The following HIPK2 variants were observed in gnomAD, a reference collection of about 807,000 sequenced individuals.
HIPK2 encodes the protein homeodomain interacting protein kinase 2, also known as homeodomain-interacting protein kinase 2.
HIPK2 carries 27 observed loss-of-function variants against 113.7 expected under a neutral mutation model. The observed-to-expected ratio is 0.24, with a 90% CI of 0.17 to 0.33. The LOEUF (loss-of-function observed/expected upper bound fraction) is 0.33. Among genes scored for constraint, HIPK2 ranks in the 10% least tolerant of loss-of-function variants. The probability of loss-of-function intolerance (pLI) is 1.00; values close to 1 mark genes in which losing one functional copy is unlikely to be tolerated. For missense variants in HIPK2, 1,257 were observed against 1,588.0 expected (o/e 0.79, Z 3.54); for synonymous variants, 631 against 642.2 (o/e 0.98, Z 0.26).
At chr7:139,652,877 T>C (rs576178762) in intron 2 of HIPK2, among the ~76,000 whole-genome samples, 1 of 152,224 alleles carries the variant, frequency 6.6e-6, no homozygotes, top group East Asian at 1.9e-4. Context: ...GCACGGTGGC[T>C]CACGCCTGTA....
At chr7:139,636,865 T>C (rs1800830289) in intron 2 of HIPK2, among the ~76,000 whole-genome samples, 1 of 152,208 alleles carries the variant, frequency 6.6e-6, no homozygotes, top group Non-Finnish European at 1.5e-5. Context: ...GCTCTAGATT[T>C]GCATTCTGGA....
chr7:139,703,842 A>T, intron 2 of HIPK2, among the ~76,000 whole-genome samples: 1 of 98,050 alleles, frequency 1.0e-5, no homozygotes, highest in Non-Finnish European at 2.0e-5. Context: ...CCTCCCCCAC[A>T]CCCACACTAT....
At chr7:139,626,877 T>TGG in intron 5 of HIPK2, 92 bp from the exon 6 acceptor site, 9 of 1,408,600 alleles carry the variant, frequency 6.4e-6, no homozygotes, top group Non-Finnish European at 8.9e-6. Context: ...AACTTCCTCC[T>TGG]GATCTCTCAA....
rs1012836104 is a variant in HIPK2, at chr7:139,573,078, C to G, written c.3446G>C (p.Gly1149Ala). Residue 1149 changes from glycine (G) to alanine (A), a missense_variant, in exon 15 of 15, where the codon GGC becomes GCC. Around this residue, in one of 5 missense-constraint regions of HIPK2, gnomAD observed 862 missense variants for 1,004.3 expected, o/e 0.86. Coordinates refer to ENST00000406875, the MANE Select transcript of HIPK2 (RefSeq NM_022740.5). Reference sequence around the variant, plus strand: ...GGTGGGCGAGGGCAGGACCCGGGGGCCCATGCTCACGGGGACCTGGTGGAC... The same window carrying G: ...GGTGGGCGAGGGCAGGACCCGGGGGGCCATGCTCACGGGGACCTGGTGGAC... ...SIVHQVPVSM[G>A]PRVLPSPTIH... 1.9e-6 allele frequency: 3 copies of G among 1,611,720 alleles called. No homozygotes were observed. In the South Asian group the frequency reaches 3.3e-5, roughly 18 times the overall value.
At chr7:139,673,342 ATTCTCTCGCATAATCTGTCAG>A (rs1802372532) in intron 2 of HIPK2, among the ~76,000 whole-genome samples, 1 of 152,178 alleles carries the variant, frequency 6.6e-6, no homozygotes, top group Admixed American at 6.5e-5. Context: ...GCGGAGCCGC[ATTCTCTCGCATAATCTGTCAG>A]TTCTCTCTCT....
At chr7:139,614,591 CAAA>C (rs1799967100) in intron 7 of HIPK2, 98 bp from the exon 8 acceptor site, 4 of 816,392 alleles carry the variant, frequency 4.9e-6, no homozygotes, top group South Asian at 1.1e-4. Flanking sequence ...TAAATGAACT[CAAA>C]GAAGAACAAA....
intron 2 of HIPK2, among the ~76,000 whole-genome samples, chr7:139,650,349 C>CAAAAAAAA (rs35368461): frequency 1.0e-5 from 1 of 100,218 alleles, no homozygotes. Flanking sequence ...GACTCCATCT[C>CAAAAAAAA]AAAAAAAAAA....
At position 139,583,841 on chromosome 7, in the gene HIPK2, C is replaced by A. The variant is rs1451571703; in HGVS notation, c.2941G>T (p.Val981Leu). The change falls in exon 13 of 15, where the codon GTG (valine) becomes TTG (leucine). Residue 981 changes from valine (V) to leucine (L), a missense_variant. Physicochemically the swap from Val to Leu is conservative, Grantham distance 32. Around this residue, in one of 5 missense-constraint regions of HIPK2, gnomAD observed 862 missense variants for 1,004.3 expected, o/e 0.86. Coordinates refer to ENST00000406875, the MANE Select transcript of HIPK2 (RefSeq NM_022740.5). ...PLKTQASEVL[V>L]ECDSLVPVNT... The stretch of plus-strand genomic sequence containing the variant: ...CCTGGCACCAGGCTATCACACTCCA[C>A]CAATACTTCGCTGGCCTGGGTTTTC... The A allele has an allele frequency of 9.3e-6, 15 of 1,612,082 alleles. No individual in the cohort carries two copies. The highest frequency in any genetic ancestry group is 1.3e-5 in the Non-Finnish European group (15 of 1,179,130).
intron 9 of HIPK2, among the ~76,000 whole-genome samples, chr7:139,608,329 A>AAT (rs1053321528): frequency 2.1e-5 from 3 of 140,934 alleles, no homozygotes; most frequent in East Asian, 4.0e-4. Context: ...ATATATATAA[A>AAT]ATATATATAT....
chr7:139,658,096 A>G (rs1477890239), intron 2 of HIPK2, among the ~76,000 whole-genome samples: 2 of 152,234 alleles, frequency 1.3e-5, no homozygotes, highest in African/African-American at 4.8e-5. Flanking sequence ...ACCTGAGGTC[A>G]GGAGTTCTAG....
At chr7:139,642,590 A>C (rs1801064707) in intron 2 of HIPK2, among the ~76,000 whole-genome samples, 1 of 152,246 alleles carries the variant, frequency 6.6e-6, no homozygotes, top group South Asian at 2.1e-4. Context: ...GTGGAGATGT[A>C]GATGGCCATT....
chr7:139,710,349 C>T (rs1413348184), intron 2 of HIPK2, among the ~76,000 whole-genome samples: 3 of 152,188 alleles, frequency 2.0e-5, no homozygotes, highest in African/African-American at 7.2e-5. Context: ...CCCTAGACTT[C>T]CCCATCCCTA....
Position 139,570,345 on chromosome 7 carries a change from T to A in HIPK2, c.*2582A>T, listed in dbSNP as rs1475061093. The A allele has an allele frequency of 6.6e-6, 1 of 152,310 alleles. No individual in the cohort carries two copies. The highest frequency in any genetic ancestry group is 1.5e-5 in the Non-Finnish European group (1 of 68,138). 9.4% of individuals were successfully genotyped at this position (152,310 alleles called of 1,614,324 possible). On this transcript the variant is annotated 3_prime_UTR_variant, in exon 15 of 15. Transcript: ENST00000406875. ...TTTGCTGCCCTCACCCTCTCTGAAC[T>A]GACCATTGTCCTGCTGTCTCAGAGG... is the stretch of plus-strand genomic sequence containing the variant.
chr7:139,579,058 C>T (rs1798582908), intron 13 of HIPK2, among the ~76,000 whole-genome samples: 1 of 152,146 alleles, frequency 6.6e-6, no homozygotes, highest in African/African-American at 2.4e-5. Flanking sequence ...CGTAAGGAAG[C>T]CCTAGGAGAG....
intron 12 of HIPK2, among the ~76,000 whole-genome samples, chr7:139,589,672 G>A (rs1484019124): frequency 1.3e-5 from 2 of 152,336 alleles, no homozygotes; most frequent in Admixed American, 6.5e-5. Flanking sequence ...ACAGCTTGGC[G>A]TGGGTGACCT....
chr7:139,659,795 T>A (rs1038507249), intron 2 of HIPK2, among the ~76,000 whole-genome samples: 15 of 152,186 alleles, frequency 9.9e-5, no homozygotes, highest in Non-Finnish European at 1.5e-4. Flanking sequence ...ATTAGAAAAT[T>A]AGGGTTATTT....
chr7:139,709,087 A>C (rs1420486193), intron 2 of HIPK2, among the ~76,000 whole-genome samples: 2 of 152,200 alleles, frequency 1.3e-5, no homozygotes, highest in African/African-American at 4.8e-5. Context: ...GAATAAGGGA[A>C]ACTTGAAGAT....
At chr7:139,744,785 C>T (rs1005633478) in intron 1 of HIPK2, among the ~76,000 whole-genome samples, 3 of 152,166 alleles carry the variant, frequency 2.0e-5, no homozygotes, top group Admixed American at 6.5e-5. Context: ...TTGCTGACTC[C>T]GGAGGCCACG....
chr7:139,664,414 G>A lies in HIPK2; in HGVS notation c.1104-32689C>T, dbSNP rs59139613. Among the ~76,000 whole-genome samples, 410 of 152,248 alleles carry A rather than the reference G, an allele frequency of 2.7e-3. 1 individual carries two copies. The highest frequency in any genetic ancestry group is 9.0e-3 in the African/African-American group (373 of 41,548). On this transcript the variant is annotated intron_variant, in intron 2 of 14. Transcript: ENST00000406875. ...TAGCCGGGCATGGTGGTGGGTGCCTGTAATCCCAGCTACTAGGGAGGCTGA... is the reference window on the plus strand; with the variant it reads ...TAGCCGGGCATGGTGGTGGGTGCCTATAATCCCAGCTACTAGGGAGGCTGA...
Sources: allele counts gnomAD v4.1 joint callset (sites outside exome capture counted in the v4.1 genomes callset), GRCh38; gene constraint gnomAD v4.1.1; regional missense constraint gnomAD v4.1.1; transcripts MANE v1.5; gene names NCBI Gene and HGNC (gene_info 2026-07-23, HGNC 2026-07-21).